CAMTA1: variants seen among roughly 807,000 people sequenced by gnomAD.
CAMTA1 encodes the protein calmodulin binding transcription activator 1.
CAMTA1 carries 27 observed loss-of-function variants against 170.9 expected under a neutral mutation model. That is an observed-to-expected ratio of 0.16 (90% CI 0.12 to 0.22). CAMTA1 has a LOEUF of 0.22. Among genes scored for constraint, CAMTA1 ranks in the 10% least tolerant of loss-of-function variants. The pLI is 1.00. For synonymous variants in CAMTA1, 833 were observed against 891.5 expected, an observed-to-expected ratio of 0.93 and a Z score of 1.17; for missense variants, 1,619 against 2,217.2, an observed-to-expected ratio of 0.73 and a Z score of 5.42.
At chr1:7,654,861 C>A (rs2095873202) in intron 7 of CAMTA1, among the ~76,000 whole-genome samples, 1 of 145,568 alleles carries the variant, frequency 6.9e-6, no homozygotes, top group South Asian at 2.2e-4. Flanking sequence ...TGTACACATA[C>A]CCACCTATAC....
intron 3 of CAMTA1, among the ~76,000 whole-genome samples, chr1:6,881,546 A>G (rs763364047): frequency 1.8e-4 from 28 of 152,154 alleles, no homozygotes; most frequent in Non-Finnish European, 3.7e-4. Context: ...GGGAAGGGGC[A>G]CGGGAGGGGA....
At chr1:7,559,273 C>T (rs575134602) in intron 6 of CAMTA1, among the ~76,000 whole-genome samples, 56 of 152,282 alleles carry the variant, frequency 3.7e-4, no homozygotes, top group African/African-American at 1.0e-3. Context: ...ACCCAGAAGC[C>T]CCGTCCTTCT....
intron 3 of CAMTA1, among the ~76,000 whole-genome samples, chr1:7,052,995 C>T (rs925053867): frequency 2.6e-5 from 4 of 152,212 alleles, no homozygotes; most frequent in Non-Finnish European, 5.9e-5. Flanking sequence ...CTGACACTGC[C>T]CTGGCTTCCC....
chr1:7,039,073 C>A (rs893824405), intron 3 of CAMTA1, among the ~76,000 whole-genome samples: 26 of 152,126 alleles, frequency 1.7e-4, no homozygotes, highest in Non-Finnish European at 1.8e-4. Context: ...AAATAAATAA[C>A]AAAGATGTTT....
At chr1:7,507,095 C>T (rs1035219548) in intron 6 of CAMTA1, among the ~76,000 whole-genome samples, 5 of 152,014 alleles carry the variant, frequency 3.3e-5, no homozygotes, top group Admixed American at 1.3e-4. Context: ...AATTCACACC[C>T]ACACTTACAT....
chr1:7,632,729 C>T (rs186829027), intron 6 of CAMTA1, among the ~76,000 whole-genome samples: 4 of 152,354 alleles, frequency 2.6e-5, no homozygotes, highest in South Asian at 2.1e-4. Flanking sequence ...CCCCTGGAAG[C>T]GGCCAGGAAA....
chr1:7,242,375 G>A (rs1665012609), intron 4 of CAMTA1, among the ~76,000 whole-genome samples: 1 of 152,144 alleles, frequency 6.6e-6, no homozygotes, highest in Non-Finnish European at 1.5e-5. Context: ...AAACAGTCTG[G>A]CAGTTTTATT....
At chr1:7,428,060 CTG>C (rs1452476787) in intron 5 of CAMTA1, among the ~76,000 whole-genome samples, 3 of 152,280 alleles carry the variant, frequency 2.0e-5, no homozygotes, top group Non-Finnish European at 4.4e-5. Flanking sequence ...GTGGGAAACA[CTG>C]TGTCTCTGGG....
rs1416197110 is a variant in CAMTA1, at chr1:7,565,503, T to G, written c.511-74897T>G. On this transcript the variant is annotated intron_variant, in intron 6 of 22. Coordinates refer to ENST00000303635, the MANE Select transcript of CAMTA1 (RefSeq NM_015215.4). This position sits in a 1 kb window ranked among gnomAD's most constrained non-coding sequence, Gnocchi z 4.5. Reference sequence around the variant, plus strand: ...TTGGCTGAGTGTCCACATCAGGGGCTGGGCTTTCCGCAGAGAGCCTGGCTC... The same window carrying G: ...TTGGCTGAGTGTCCACATCAGGGGCGGGGCTTTCCGCAGAGAGCCTGGCTC... Among the ~76,000 whole-genome samples the G allele has an allele frequency of 6.6e-6, 1 of 152,136 alleles. No homozygotes were observed. Among genetic ancestry groups the G allele is most frequent in the Non-Finnish European group, 1.5e-5 (1 of 68,030 alleles).
Position 7,064,532 on chromosome 1 carries a change from GGGGA to G in CAMTA1, c.235-26764_235-26761del, listed in dbSNP as rs1386281620. On this transcript the variant is annotated intron_variant, in intron 3 of 22. Transcript: ENST00000303635. The surrounding 1 kb of genome is among the most constrained non-coding windows in gnomAD (Gnocchi z 5.4). ...AAGTGCTGGGAGGAGGGTGATGGTT[GGGGA>G]GGGAGGGGGTAGTCCCTGAGGAGGC... is the stretch of plus-strand genomic sequence containing the variant. Among the ~76,000 whole-genome samples, 3 of 152,184 alleles carry G rather than the reference GGGGA, an allele frequency of 2.0e-5. No individual in the cohort carries two copies. The highest frequency in any genetic ancestry group is 7.2e-5 in the African/African-American group (3 of 41,444).
chr1:7,124,958 G>T (rs764037515), intron 4 of CAMTA1, among the ~76,000 whole-genome samples: 7 of 152,164 alleles, frequency 4.6e-5, no homozygotes, highest in Non-Finnish European at 1.0e-4. Context: ...TTTTCCCAGT[G>T]CCCTTAAATC....
chr1:6,877,323 C>T (rs1402137701), intron 3 of CAMTA1, among the ~76,000 whole-genome samples: 2 of 152,154 alleles, frequency 1.3e-5, no homozygotes, highest in Non-Finnish European at 2.9e-5. Context: ...GCCTTGGCAC[C>T]ACCAAGTGGG....
intron 3 of CAMTA1, among the ~76,000 whole-genome samples, chr1:7,020,508 A>G (rs1446953411): frequency 6.6e-6 from 1 of 152,218 alleles, no homozygotes; most frequent in African/African-American, 2.4e-5. Context: ...AGATCGCCTA[A>G]TGACACATTT....
At position 7,111,701 on chromosome 1, in the gene CAMTA1, C is replaced by T. The variant is rs568139661; in HGVS notation, c.302+20330C>T. On this transcript the variant is annotated intron_variant, in intron 4 of 22. Transcript: ENST00000303635. Reference sequence around the variant, plus strand: ...GAGATCAAGACCATCCTGGCTAACACGGTGAAACCACATCTCTACTAAAAA... The same window carrying T: ...GAGATCAAGACCATCCTGGCTAACATGGTGAAACCACATCTCTACTAAAAA... 6.6e-5 allele frequency among the ~76,000 whole-genome samples: 10 copies of T among 152,044 alleles called. No individual in the cohort carries two copies. In the South Asian group the frequency reaches 1.0e-3, roughly 16 times the overall value.
Position 7,251,743 on chromosome 1 carries a change from C to T in CAMTA1, c.438+2117C>T, listed in dbSNP as rs368433550. ...TCAATAGTGCTGAGACGCAGAGCAG[C>T]CTGGGCTTTTATGATAAGCATCCCG... On this transcript the variant is annotated intron_variant, in intron 5 of 22. Transcript: ENST00000303635. This position sits in a 1 kb window ranked among gnomAD's most constrained non-coding sequence, Gnocchi z 5.1. Among the ~76,000 whole-genome samples, 53 of 152,112 alleles carry T rather than the reference C, an allele frequency of 3.5e-4. No individual in the cohort carries two copies. The highest frequency in any genetic ancestry group is 1.2e-3 in the African/African-American group (50 of 41,414).
intron 2 of CAMTA1, among the ~76,000 whole-genome samples, chr1:6,822,496 A>G (rs904044530): frequency 6.6e-6 from 1 of 152,130 alleles, no homozygotes; most frequent in Admixed American, 6.5e-5. Flanking sequence ...ACCCATTGTT[A>G]TGTTTCTTAA....
chr1:7,716,844 A>G (rs74054237), intron 11 of CAMTA1, among the ~76,000 whole-genome samples: 2,563 of 152,338 alleles, frequency 0.017, 61 homozygotes, highest in African/African-American at 0.047. Flanking sequence ...AACACTGTTC[A>G]CAATAACCAG....
At chr1:7,466,458 G>C (rs917599865) in intron 5 of CAMTA1, among the ~76,000 whole-genome samples, 1 of 152,158 alleles carries the variant, frequency 6.6e-6, no homozygotes, top group African/African-American at 2.4e-5. Context: ...TGTCAACTCT[G>C]CTAATCAGAC....
At position 7,230,439 on chromosome 1, in the gene CAMTA1, C is replaced by G. The variant is rs963227388; in HGVS notation, c.303-19052C>G. Among the ~76,000 whole-genome samples the G allele has an allele frequency of 7.2e-5, 6 of 83,610 alleles. 1 individual carries two copies. The highest frequency in any genetic ancestry group is 2.9e-4 in the Admixed American group (3 of 10,296). The allele number at this position is 83,610 out of a possible 152,430, so 54.9% of individuals were successfully genotyped here. ...GGCTGCTGCTCTGGGCTGACCCCCCCCCCCCGCCCCGCAAAGCTCTGTGGA... is the reference window on the plus strand; with the variant it reads ...GGCTGCTGCTCTGGGCTGACCCCCCGCCCCCGCCCCGCAAAGCTCTGTGGA... On this transcript the variant is annotated intron_variant, in intron 4 of 22. Coordinates refer to ENST00000303635, the MANE Select transcript of CAMTA1 (RefSeq NM_015215.4).
Sources: allele counts gnomAD v4.1 joint callset (sites outside exome capture counted in the v4.1 genomes callset), GRCh38; gene constraint gnomAD v4.1.1; non-coding constraint Gnocchi (gnomAD v3.1); transcripts MANE v1.5; gene names NCBI Gene and HGNC (gene_info 2026-07-23, HGNC 2026-07-21).